The following SPAG17 variants were observed in gnomAD, a reference collection of about 807,000 sequenced individuals.
SPAG17 encodes the protein sperm associated antigen 17.
SPAG17 carries 169 observed loss-of-function variants against 273.6 expected under a neutral mutation model. That is an observed-to-expected ratio of 0.62 (90% CI 0.55 to 0.70). The LOEUF (loss-of-function observed/expected upper bound fraction) is 0.70. SPAG17 is among the 30% of genes least tolerant of loss of function. SPAG17 has a pLI of 0.00. For missense variants in SPAG17, 2,557 were observed against 2,627.8 expected (o/e 0.97, Z 0.59); for synonymous variants, 825 against 873.2 (o/e 0.94, Z 0.97).
At chr1:118,018,291 C>T (rs1277654788) in intron 28 of SPAG17, among the ~76,000 whole-genome samples, 3 of 152,074 alleles carry the variant, frequency 2.0e-5, no homozygotes, top group Non-Finnish European at 2.9e-5. Flanking sequence ...GTGTCCTTTC[C>T]CACCCCACTC....
rs765020899 is a variant in SPAG17, at chr1:118,150,668, T to G, written c.229-39A>C. On this transcript the variant is annotated intron_variant, in intron 2 of 48. Transcript: ENST00000336338. ...AAATTTACTTATGATGAAAAAAGCC[T>G]TATTTGAAGAATACTTAGATATATG... The G allele has an allele frequency of 3.1e-5, 37 of 1,184,596 alleles. 1 individual carries two copies. Among genetic ancestry groups the G allele is most frequent in the South Asian group, 1.3e-4 (10 of 75,438 alleles). 73.4% of individuals were successfully genotyped at this position (1,184,596 alleles called of 1,614,324 possible).
intron 28 of SPAG17, among the ~76,000 whole-genome samples, chr1:118,019,881 G>A (rs993292507): frequency 6.6e-6 from 1 of 152,104 alleles, no homozygotes; most frequent in Non-Finnish European, 1.5e-5. Flanking sequence ...CAAGAATGAG[G>A]ACAACATAAA....
At position 117,966,628 on chromosome 1, in the gene SPAG17, C is replaced by G. The variant is rs541953357; in HGVS notation, c.6513G>C (p.Leu2171=). The change falls in exon 47 of 49, where the codon CTG becomes CTC. Residue 2171 remains leucine, a synonymous_variant. Coordinates refer to ENST00000336338, the MANE Select transcript of SPAG17 (RefSeq NM_206996.4). ...NIEIMTEHEV[L]FLPVEATVLT... is the part of the protein sequence containing the mutation. ...GGATATTTGCTTCCACAGGTAGGAA[C>G]AGAACCTCATGCTCTGTCATAATCT... 2.5e-6 allele frequency: 4 copies of G among 1,612,374 alleles called. No individual in the cohort carries two copies. In the Admixed American group the frequency reaches 5.0e-5, roughly 20 times the overall value.
intron 48 of SPAG17, among the ~76,000 whole-genome samples, chr1:117,958,429 C>G (rs1231385368): frequency 6.6e-6 from 1 of 152,114 alleles, no homozygotes; most frequent in Non-Finnish European, 1.5e-5. Flanking sequence ...TATAGCGTAT[C>G]AGAGGCTTAT....
At chr1:118,034,026 G>A (rs1648784838) in intron 24 of SPAG17, among the ~76,000 whole-genome samples, 1 of 152,172 alleles carries the variant, frequency 6.6e-6, no homozygotes, top group Non-Finnish European at 1.5e-5. Context: ...TAGTGGCTCA[G>A]TGCCAGCAAG....
At chr1:118,109,182 G>T (rs1023696865) in intron 4 of SPAG17, among the ~76,000 whole-genome samples, 1 of 146,974 alleles carries the variant, frequency 6.8e-6, no homozygotes, top group Non-Finnish European at 1.5e-5. Context: ...TTGTTCTGTT[G>T]TCAGACTGGA....
chr1:118,154,268 C>A (rs532638140), intron 1 of SPAG17, among the ~76,000 whole-genome samples: 2 of 152,212 alleles, frequency 1.3e-5, no homozygotes, highest in Admixed American at 1.3e-4. Flanking sequence ...ATCTATGTGG[C>A]AAAACAGGAC....
At chr1:117,987,785 T>C in intron 40 of SPAG17, 49 bp downstream of exon 40, 1 of 1,595,526 alleles carries the variant, frequency 6.3e-7, no homozygotes, top group Non-Finnish European at 8.6e-7. Flanking sequence ...TCTCAGTCTA[T>C]TACTCTGGGC....
intron 20 of SPAG17, 93 bp from the exon 21 acceptor site, chr1:118,042,135 T>A: frequency 7.0e-7 from 1 of 1,434,356 alleles, no homozygotes. Context: ...TAACATGATT[T>A]TTGTTAGTGT....
rs77357284 is a variant in SPAG17 at position 118,085,612 on chromosome 1, C to T, written c.1762+310G>A. ...GGGATTACCACATCATCTCCAATGA[C>T]GTCAATGGGAGTATTTGGGACAGAG... On this transcript the variant is annotated intron_variant, in intron 13 of 48. Coordinates refer to ENST00000336338, the MANE Select transcript of SPAG17 (RefSeq NM_206996.4). Among the ~76,000 whole-genome samples, 444 of 151,992 alleles carry T rather than the reference C, an allele frequency of 2.9e-3. 1 individual carries two copies. Among genetic ancestry groups the T allele is most frequent in the African/African-American group, 0.01 (422 of 41,438 alleles).
At chr1:118,031,593 T>A in intron 25 of SPAG17, 99 bp downstream of exon 25, 1 of 1,203,568 alleles carries the variant, frequency 8.3e-7, no homozygotes, top group Non-Finnish European at 1.2e-6. Context: ...CAATAAAACG[T>A]ATGCACTATA....
At chr1:118,107,952 T>C (rs543417789) in intron 4 of SPAG17, among the ~76,000 whole-genome samples, 1 of 152,326 alleles carries the variant, frequency 6.6e-6, no homozygotes, top group East Asian at 1.9e-4. Flanking sequence ...TATTACTATG[T>C]AAAGAATTTC....
intron 26 of SPAG17, among the ~76,000 whole-genome samples, chr1:118,027,847 A>G (rs1647933472): frequency 6.6e-6 from 1 of 152,194 alleles, no homozygotes; most frequent in Admixed American, 6.5e-5. Context: ...CTTTGTGTCC[A>G]GTGTCATTTG....
chr1:118,157,336 C>T (rs1472871096), intron 1 of SPAG17, among the ~76,000 whole-genome samples: 1 of 152,168 alleles, frequency 6.6e-6, no homozygotes, highest in Non-Finnish European at 1.5e-5. Context: ...AAGACACACT[C>T]TGCAGCAATG....
intron 32 of SPAG17, 134 bp downstream of exon 32, chr1:118,005,280 C>A: frequency 1.5e-6 from 1 of 652,926 alleles, no homozygotes; most frequent in Non-Finnish European, 2.4e-6. Context: ...TTACTGCTTG[C>A]CCAAAGTATT....
chr1:117,959,543 A>G, intron 48 of SPAG17: 1 of 1,289,288 alleles, frequency 7.8e-7, no homozygotes, highest in Admixed American at 3.0e-5. Context: ...AAAATACCAA[A>G]TAACAGAAGA....
intron 37 of SPAG17, 43 bp from the exon 38 acceptor site, chr1:117,990,949 C>T: frequency 5.1e-6 from 6 of 1,171,976 alleles, no homozygotes; most frequent in Non-Finnish European, 7.3e-6. Context: ...ATATTACTTA[C>T]AAGACTTACT....
At chr1:118,083,206 T>C (rs1316671487) in intron 13 of SPAG17, among the ~76,000 whole-genome samples, 2 of 152,114 alleles carry the variant, frequency 1.3e-5, no homozygotes, top group Non-Finnish European at 2.9e-5. Flanking sequence ...TCCACCCGTC[T>C]CGGCCTCCCA....
chr1:118,074,353 T>G (rs1393769240), intron 16 of SPAG17, among the ~76,000 whole-genome samples, 186 bp downstream of exon 16: 1 of 152,190 alleles, frequency 6.6e-6, no homozygotes, highest in Non-Finnish European at 1.5e-5. Context: ...GCAAGCCGCC[T>G]AGCAATATTA....
Sources: gnomAD v4.1 joint callset for allele counts (sites outside exome capture counted in the v4.1 genomes callset) on GRCh38, gnomAD v4.1.1 for gene constraint, MANE v1.5 for transcripts, NCBI Gene and HGNC (gene_info 2026-07-23, HGNC 2026-07-21) for gene names.